The following SEMA6D variants were observed in gnomAD, a reference collection of about 807,000 sequenced individuals.
SEMA6D encodes semaphorin-6D.
In SEMA6D, 35 loss-of-function variants were observed where a neutral mutation model predicts 106.6. The ratio of observed to expected loss-of-function variants is 0.33; its 90% CI spans 0.25 to 0.44. The LOEUF is 0.44. Among genes scored for constraint, SEMA6D ranks in the 20% least tolerant of loss-of-function variants. SEMA6D has a pLI of 1.00. For synonymous variants in SEMA6D, 499 were observed against 487.7 expected (o/e 1.02, Z -0.31); for missense variants, 1,185 against 1,345.9 (o/e 0.88, Z 1.87).
At chr15:47,453,551 G>C (rs914390880) in intron 2 of SEMA6D, among the ~76,000 whole-genome samples, 1 of 151,822 alleles carries the variant, frequency 6.6e-6, no homozygotes, top group African/African-American at 2.4e-5. Flanking sequence ...ATGTTACTTA[G>C]GGTCTATCTG....
At chr15:47,609,485 G>A (rs911075059) in intron 4 of SEMA6D, among the ~76,000 whole-genome samples, 4 of 152,108 alleles carry the variant, frequency 2.6e-5, no homozygotes, top group Admixed American at 6.5e-5. Flanking sequence ...ATTTAGGTAC[G>A]TATTCGCTTA....
intron 3 of SEMA6D, among the ~76,000 whole-genome samples, chr15:47,549,202 T>G (rs1268329361): frequency 2.0e-5 from 3 of 152,146 alleles, no homozygotes; most frequent in Non-Finnish European, 4.4e-5. Flanking sequence ...TGCAGTCAAC[T>G]CTGGGAATGG....
At chr15:47,327,634 T>C (rs972505735) in intron 1 of SEMA6D, among the ~76,000 whole-genome samples, 1 of 152,186 alleles carries the variant, frequency 6.6e-6, no homozygotes, top group Non-Finnish European at 1.5e-5. Flanking sequence ...AAATATTAGA[T>C]GGTATGCAAG....
At chr15:47,356,420 T>G (rs1189249369) in intron 1 of SEMA6D, among the ~76,000 whole-genome samples, 1 of 152,090 alleles carries the variant, frequency 6.6e-6, no homozygotes, top group African/African-American at 2.4e-5. Flanking sequence ...GAGGCACAAA[T>G]GAGAGCACAG....
At chr15:47,669,687 C>T (rs977244475) in intron 4 of SEMA6D, among the ~76,000 whole-genome samples, 3 of 152,204 alleles carry the variant, frequency 2.0e-5, no homozygotes, top group African/African-American at 7.2e-5. Context: ...TCTCCTTCTC[C>T]TCCATACCTG....
intron 4 of SEMA6D, among the ~76,000 whole-genome samples, chr15:47,665,619 G>C (rs6493288): frequency 0.028 from 4,251 of 152,198 alleles, 203 homozygotes; most frequent in African/African-American, 0.098. Flanking sequence ...AGACCATCCT[G>C]GCCAACATGG....
chr15:47,697,104 C>T (rs1312830291), intron 4 of SEMA6D, among the ~76,000 whole-genome samples: 1 of 152,100 alleles, frequency 6.6e-6, no homozygotes, highest in African/African-American at 2.4e-5. Context: ...CTGCTCTTCT[C>T]AACTTCCTTC....
rs114901557 is a variant in SEMA6D, at chr15:47,305,026, T to C, written c.-238-107367T>C. Among the ~76,000 whole-genome samples the C allele has an allele frequency of 7.6e-3, 1,165 of 152,330 alleles. 16 individuals are homozygous for C. The highest frequency in any genetic ancestry group is 0.026 in the African/African-American group (1,089 of 41,572). ...CTGAGTGTTGTTATATTAGCACCTG[T>C]TTTTCATTTATGTCTTCTGTAAAGA... On this transcript the variant is annotated intron_variant, in intron 1 of 19. Transcript: ENST00000558014.
intron 1 of SEMA6D, among the ~76,000 whole-genome samples, chr15:47,231,749 T>C (rs2032210215): frequency 6.6e-6 from 1 of 152,042 alleles, no homozygotes; most frequent in Non-Finnish European, 1.5e-5. Flanking sequence ...ATTCTTACCC[T>C]GCTTTCATTG....
intron 1 of SEMA6D, among the ~76,000 whole-genome samples, chr15:47,213,279 TAAAC>T (rs2141248999): frequency 6.6e-6 from 1 of 152,344 alleles, no homozygotes; most frequent in East Asian, 1.9e-4. Flanking sequence ...GCATTGCTCT[TAAAC>T]AATAGGTTAC....
intron 4 of SEMA6D, among the ~76,000 whole-genome samples, chr15:47,673,372 T>C (rs1271365549): frequency 6.6e-6 from 1 of 152,130 alleles, no homozygotes; most frequent in Non-Finnish European, 1.5e-5. Flanking sequence ...TCAGCTGAAA[T>C]CTGACAGAAT....
chr15:47,195,882 C>T (rs1414358192), intron 1 of SEMA6D, among the ~76,000 whole-genome samples: 1 of 152,072 alleles, frequency 6.6e-6, no homozygotes, highest in Admixed American at 6.5e-5. Flanking sequence ...GAAAGGCTCA[C>T]CTACAGATGG....
chr15:47,751,774 C>T (rs1555423932), intron 1 of SEMA6D, among the ~76,000 whole-genome samples: 2 of 152,124 alleles, frequency 1.3e-5, no homozygotes, highest in Non-Finnish European at 2.9e-5. Context: ...CATTCTTCTG[C>T]TTATTCCTTT....
chr15:47,715,969 C>G (rs1164463292), upstream of SEMA6D, among the ~76,000 whole-genome samples: 1 of 152,166 alleles, frequency 6.6e-6, no homozygotes, highest in South Asian at 2.1e-4. Flanking sequence ...AATAACTGGA[C>G]GCCAGGAAAC....
intron 1 of SEMA6D, among the ~76,000 whole-genome samples, chr15:47,316,731 G>C (rs774585618): frequency 3.3e-5 from 5 of 151,190 alleles, no homozygotes; most frequent in Non-Finnish European, 7.4e-5. Flanking sequence ...TTGATTTTCA[G>C]ATGTTGAAAT....
intron 4 of SEMA6D, among the ~76,000 whole-genome samples, chr15:47,711,181 G>T (rs890452355): frequency 3.3e-5 from 5 of 150,802 alleles, no homozygotes; most frequent in Non-Finnish European, 4.4e-5. Flanking sequence ...GTAGTGGCGG[G>T]CGCCTGTAGT....
chr15:47,699,448 C>G (rs1384971595), intron 4 of SEMA6D, among the ~76,000 whole-genome samples: 1 of 152,182 alleles, frequency 6.6e-6, no homozygotes. Flanking sequence ...TGAAGTTTGG[C>G]TTTACTTGTC....
chr15:47,596,673 A>G (rs957575438), intron 3 of SEMA6D, among the ~76,000 whole-genome samples: 36 of 152,196 alleles, frequency 2.4e-4, no homozygotes, highest in African/African-American at 7.9e-4. Flanking sequence ...CAAGAACACA[A>G]TCAGTAAAGG....
Position 47,288,809 on chromosome 15 carries a change from T to A in SEMA6D, c.-239+104391T>A, listed in dbSNP as rs544752822. Among the ~76,000 whole-genome samples the A allele has an allele frequency of 3.3e-5, 5 of 152,318 alleles. No individual in the cohort carries two copies. In the East Asian group the frequency reaches 9.7e-4, roughly 29 times the overall value. On this transcript the variant is annotated intron_variant, in intron 1 of 19. Transcript: ENST00000558014. ...ATGTCTGTGACCGTCCTTCCACCTG[T>A]ACACTCCACAGCCCACACTCTTACT... is the stretch of plus-strand genomic sequence containing the variant.
Sources: allele counts gnomAD v4.1 joint callset (sites outside exome capture counted in the v4.1 genomes callset), GRCh38; gene constraint gnomAD v4.1.1; transcripts MANE v1.5; gene names NCBI Gene and HGNC (gene_info 2026-07-23, HGNC 2026-07-21).